The following ZNF730 variants were observed in gnomAD, a reference collection of about 807,000 sequenced individuals.
ZNF730 encodes the protein putative zinc finger protein 730.
A neutral mutation model predicts 12.6 loss-of-function variants in ZNF730; 12 were observed. That is an observed-to-expected ratio of 0.95 (90% CI 0.61 to 1.54). The LOEUF (loss-of-function observed/expected upper bound fraction) is 1.54, where lower values mean the gene tolerates loss of function less well. Among genes scored for constraint, ZNF730 ranks in the 40% most tolerant of loss-of-function variants. The pLI is 0.00. For missense variants in ZNF730, 643 were observed against 583.5 expected (o/e 1.10, Z -1.05); for synonymous variants, 194 against 195.8 (o/e 0.99, Z 0.08).
intron 1 of ZNF730, among the ~76,000 whole-genome samples, chr19:23,096,688 A>C (rs1164502120): frequency 6.6e-6 from 1 of 152,006 alleles, no homozygotes; most frequent in Non-Finnish European, 1.5e-5. Flanking sequence ...ACCCTTTTGC[A>C]TGGGCCCTCC....
intron 1 of ZNF730, chr19:23,126,637 G>C: frequency 2.0e-6 from 1 of 500,280 alleles, no homozygotes; most frequent in South Asian, 1.6e-5. Flanking sequence ...GCATGCTTCA[G>C]TTCTAACTCT....
intron 1 of ZNF730, among the ~76,000 whole-genome samples, chr19:23,130,344 GCCT>G (rs1412344208): frequency 6.6e-6 from 1 of 152,128 alleles, no homozygotes; most frequent in African/African-American, 2.4e-5. Flanking sequence ...TGATTGTGAG[GCCT>G]CCTCAGCCAC....
chr19:23,089,782 A>G (rs978892038), intron 1 of ZNF730, among the ~76,000 whole-genome samples: 2 of 152,066 alleles, frequency 1.3e-5, no homozygotes, highest in African/African-American at 4.8e-5. Context: ...GGCCTTGCTG[A>G]AAAAAAATAA....
chr19:23,091,882 T>G (rs1404233132), intron 1 of ZNF730, among the ~76,000 whole-genome samples: 1 of 152,120 alleles, frequency 6.6e-6, no homozygotes, highest in Admixed American at 6.6e-5. Flanking sequence ...ACTTTGGGGA[T>G]CTGTTGGGGA....
intron 1 of ZNF730, among the ~76,000 whole-genome samples, chr19:23,107,475 A>AAAAAAC (rs752480467): frequency 1.7e-5 from 2 of 118,934 alleles, no homozygotes; most frequent in Non-Finnish European, 3.7e-5. Context: ...AAAAAAAAAA[A>AAAAAAC]CCACCACAGC....
At chr19:23,109,926 T>G (rs569897195) in intron 1 of ZNF730, among the ~76,000 whole-genome samples, 1 of 152,168 alleles carries the variant, frequency 6.6e-6, no homozygotes, top group Non-Finnish European at 1.5e-5. Flanking sequence ...CAAATTATTG[T>G]AGGCTGAAGA....
chr19:23,143,806 G>C (rs534549335), intron 3 of ZNF730: 1 of 151,976 alleles, frequency 6.6e-6, no homozygotes, highest in Non-Finnish European at 1.5e-5. Context: ...TGGTTATATC[G>C]TAAGACTATG....
chr19:23,079,997 G>C lies in ZNF730; in HGVS notation c.-94+4610G>C, dbSNP rs143770497. On this transcript the variant is annotated intron_variant, in intron 1 of 2. Transcript: ENST00000593635. The stretch of plus-strand genomic sequence containing the variant: ...CTCTTGCTGTATCTCCCAGGCTGGA[G>C]TGCAGTGGCGCCATCTTGGCTAACT... 5.7e-3 allele frequency among the ~76,000 whole-genome samples: 875 copies of C among 152,234 alleles called. 7 individuals are homozygous for C. Among genetic ancestry groups the C allele is most frequent in the African/African-American group, 0.02 (825 of 41,522 alleles).
At chr19:23,088,941 C>T (rs868676196) in intron 1 of ZNF730, among the ~76,000 whole-genome samples, 5 of 151,906 alleles carry the variant, frequency 3.3e-5, no homozygotes, top group East Asian at 3.9e-4. Flanking sequence ...GGTGCGATCT[C>T]GGCTCACCAC....
intron 1 of ZNF730, among the ~76,000 whole-genome samples, chr19:23,082,472 G>T (rs1482027811): frequency 6.6e-6 from 1 of 150,464 alleles, no homozygotes; most frequent in Non-Finnish European, 1.5e-5. Context: ...TCAGCCTCCC[G>T]AGTAGCTAGG....
chr19:23,104,680 C>G (rs1970371672), intron 1 of ZNF730, among the ~76,000 whole-genome samples: 1 of 152,138 alleles, frequency 6.6e-6, no homozygotes, highest in Non-Finnish European at 1.5e-5. Context: ...ACTGGAGAAA[C>G]TGTTTGTTTG....
At chr19:23,139,041 CTAGA>C in intron 3 of ZNF730, among the ~76,000 whole-genome samples, 1 of 152,054 alleles carries the variant, frequency 6.6e-6, no homozygotes, top group African/African-American at 2.4e-5. Context: ...GGGAAATATA[CTAGA>C]ATTGACATGT....
intron 1 of ZNF730, chr19:23,100,180 C>T (rs1970314020): frequency 6.6e-6 from 1 of 152,182 alleles, no homozygotes; most frequent in Non-Finnish European, 1.5e-5. Flanking sequence ...ATGTGACTCT[C>T]CTTCCTGGTC....
chr19:23,109,395 AT>A lies in ZNF730; in HGVS notation c.-93-24675del, dbSNP rs538675450. On this transcript the variant is annotated intron_variant, in intron 1 of 2. Transcript: ENST00000593635. ...AGGCACACACCACCACGCCCAGCTA[AT>A]TTTTTTTTTCCTTTTTTTTCTTTTT... Among the ~76,000 whole-genome samples the A allele has an allele frequency of 5.0e-5, 7 of 138,774 alleles. No homozygotes were observed. The East Asian group carries it at 6.3e-4, about 13-fold the overall frequency. 91.0% of individuals were successfully genotyped at this position (138,774 alleles called of 152,430 possible).
At chr19:23,080,778 T>C (rs1969949074) in intron 1 of ZNF730, among the ~76,000 whole-genome samples, 1 of 152,150 alleles carries the variant, frequency 6.6e-6, no homozygotes, top group African/African-American at 2.4e-5. Context: ...CTAGGAGTTT[T>C]ACAGTTATAG....
rs1258015767 is a variant in ZNF730 at position 23,128,047 on chromosome 19, G to C, written c.4-6033G>C. On this transcript the variant is annotated intron_variant, in intron 1 of 3. Transcript: ENST00000597761. ...CTGTGAAGGCCAAGTGGAGGTGACT[G>C]GCAATGAATACAATGTGGAAAGCAC... 18 of 760,274 alleles carry C rather than the reference G, an allele frequency of 2.4e-5. No homozygotes were observed. In the Admixed American group the frequency reaches 3.1e-4, roughly 13 times the overall value. 47.1% of individuals were successfully genotyped at this position (760,274 alleles called of 1,614,324 possible). A position where few individuals can be genotyped will look rare whatever the true frequency, so the allele number is the denominator to read the frequency against.
chr19:23,077,059 GTTATCC>G (rs1206252993), intron 1 of ZNF730, among the ~76,000 whole-genome samples: 3 of 152,096 alleles, frequency 2.0e-5, no homozygotes, highest in Non-Finnish European at 2.9e-5. Flanking sequence ...GCTGTAGGCT[GTTATCC>G]TTAGCAAAGT....
chr19:23,081,360 C>T (rs1193170993), intron 1 of ZNF730, among the ~76,000 whole-genome samples: 2 of 152,044 alleles, frequency 1.3e-5, no homozygotes, highest in Admixed American at 6.6e-5. Context: ...CTCTCAGTCG[C>T]CCAGGCTGGA....
intron 1 of ZNF730, among the ~76,000 whole-genome samples, chr19:23,118,258 C>T (rs1435561467): frequency 4.6e-5 from 7 of 151,986 alleles, no homozygotes; most frequent in Non-Finnish European, 1.0e-4. Flanking sequence ...TAAACCAAAA[C>T]TAATTCCCTG....
Sources: gnomAD v4.1 joint callset for allele counts (sites outside exome capture counted in the v4.1 genomes callset) on GRCh38, gnomAD v4.1.1 for gene constraint, MANE v1.5 for transcripts, NCBI Gene and HGNC (gene_info 2026-07-23, HGNC 2026-07-21) for gene names.